The following CADM2 variants were observed in gnomAD, a reference collection of about 807,000 sequenced individuals.
CADM2 encodes the protein immunoglobulin superfamily member 4D.
CADM2 carries 12 observed loss-of-function variants against 49.8 expected under a neutral mutation model. That is an observed-to-expected ratio of 0.24 (90% CI 0.15 to 0.39). The LOEUF is 0.39. Among genes scored for constraint, CADM2 ranks in the 10% least tolerant of loss-of-function variants. The pLI, the probability that CADM2 is intolerant of heterozygous loss-of-function variation, is 1.00. For synonymous variants in CADM2, 214 were observed against 175.4 expected (o/e 1.22, Z -1.74); for missense variants, 378 against 492.3 (o/e 0.77, Z 2.20).
intron 3 of CADM2, among the ~76,000 whole-genome samples, chr3:85,882,896 A>G (rs1202553919): frequency 6.6e-6 from 1 of 152,124 alleles, no homozygotes; most frequent in East Asian, 1.9e-4. Context: ...GAAGTCCTGC[A>G]GCAGTCACAG....
chr3:85,787,678 C>A (rs761133284), intron 2 of CADM2, among the ~76,000 whole-genome samples: 18 of 152,078 alleles, frequency 1.2e-4, no homozygotes, highest in Non-Finnish European at 2.1e-4. Flanking sequence ...CAGTTCAAAC[C>A]CATCTTGTTC....
At chr3:85,718,092 T>C (rs1054937763) in intron 1 of CADM2, among the ~76,000 whole-genome samples, 1 of 152,144 alleles carries the variant, frequency 6.6e-6, no homozygotes, top group South Asian at 2.1e-4. Flanking sequence ...TTTAAGGATG[T>C]GTCAATAAAT....
At chr3:86,039,657 G>A (rs1277395463) in intron 8 of CADM2, among the ~76,000 whole-genome samples, 1 of 152,196 alleles carries the variant, frequency 6.6e-6, no homozygotes, top group East Asian at 1.9e-4. Flanking sequence ...ACCTCTGGGG[G>A]GAGGGCATAG....
chr3:85,079,003 A>G (rs2037058663), intron 1 of CADM2, among the ~76,000 whole-genome samples: 1 of 151,826 alleles, frequency 6.6e-6, no homozygotes, highest in Non-Finnish European at 1.5e-5. Context: ...ACTGCAATAC[A>G]TTTTTATTTA....
At chr3:85,321,943 T>G (rs985075064) in intron 1 of CADM2, among the ~76,000 whole-genome samples, 2 of 152,248 alleles carry the variant, frequency 1.3e-5, no homozygotes, top group Non-Finnish European at 2.9e-5. Flanking sequence ...TAGTATTTAT[T>G]AGTTTGCAGA....
chr3:85,873,330 C>G (rs956692358), intron 3 of CADM2, among the ~76,000 whole-genome samples: 7 of 152,082 alleles, frequency 4.6e-5, no homozygotes, highest in African/African-American at 1.7e-4. Context: ...AAAAATAAAT[C>G]ATTTAAAGAA....
At position 86,047,296 on chromosome 3, in the gene CADM2, C is replaced by T. The variant is rs762276244; in HGVS notation, c.971-18309C>T. 2.6e-5 allele frequency among the ~76,000 whole-genome samples: 4 copies of T among 152,100 alleles called. No individual in the cohort carries two copies. In the East Asian group the frequency reaches 5.8e-4, roughly 22 times the overall value. On this transcript the variant is annotated intron_variant, in intron 8 of 9. Transcript: ENST00000383699. ...ATGGAAGTAATTTATGGGAAGGCATCGGGGAGAGTTACAATAGACATATTG... is the reference window on the plus strand; with the variant it reads ...ATGGAAGTAATTTATGGGAAGGCATTGGGGAGAGTTACAATAGACATATTG...
At chr3:85,324,104 G>T (rs898950772) in intron 1 of CADM2, among the ~76,000 whole-genome samples, 1 of 152,102 alleles carries the variant, frequency 6.6e-6, no homozygotes, top group Non-Finnish European at 1.5e-5. Context: ...TTTATATGCT[G>T]CATCCATTAT....
intron 1 of CADM2, among the ~76,000 whole-genome samples, chr3:85,209,510 C>A (rs571980682): frequency 6.6e-6 from 1 of 152,220 alleles, no homozygotes; most frequent in South Asian, 2.1e-4. Context: ...TCAAATTTCT[C>A]TGGAAAGAAG....
At chr3:85,322,789 CA>C (rs1191114089) in intron 1 of CADM2, among the ~76,000 whole-genome samples, 2 of 152,160 alleles carry the variant, frequency 1.3e-5, no homozygotes, top group East Asian at 3.9e-4. Context: ...GGTGGGTATC[CA>C]GGGGGAGTCC....
chr3:85,096,148 T>C (rs995357606), intron 1 of CADM2, among the ~76,000 whole-genome samples: 24 of 152,144 alleles, frequency 1.6e-4, no homozygotes, highest in African/African-American at 5.8e-4. Flanking sequence ...TAAATAAGTA[T>C]TTGATTTATA....
chr3:85,477,238 C>T lies in CADM2; in HGVS notation c.62-249284C>T, dbSNP rs554899675. On this transcript the variant is annotated intron_variant, in intron 1 of 9. Transcript: ENST00000383699. The stretch of plus-strand genomic sequence containing the variant: ...TCACTTGTTAGTGGTTAACTGATTC[C>T]CTTAAACACACACACACACACACAC... Among the ~76,000 whole-genome samples the T allele has an allele frequency of 1.2e-3, 91 of 75,142 alleles. 1 individual carries two copies. The South Asian group carries it at 0.028, about 23-fold the overall frequency. 49.3% of individuals were successfully genotyped at this position (75,142 alleles called of 152,430 possible).
chr3:85,489,796 T>C (rs912149257), intron 1 of CADM2, among the ~76,000 whole-genome samples: 1 of 133,732 alleles, frequency 7.5e-6, no homozygotes, highest in Non-Finnish European at 1.7e-5. Context: ...AACGTGTGTG[T>C]GTGTGTGTGT....
intron 1 of CADM2, among the ~76,000 whole-genome samples, chr3:85,227,150 C>T (rs1345618078): frequency 1.3e-5 from 2 of 152,066 alleles, no homozygotes; most frequent in Non-Finnish European, 2.9e-5. Context: ...CCACTTGGTC[C>T]AAAGCTGAGT....
intron 1 of CADM2, among the ~76,000 whole-genome samples, chr3:85,075,491 A>G (rs1223164784): frequency 1.3e-5 from 2 of 152,170 alleles, no homozygotes; most frequent in Non-Finnish European, 2.9e-5. Context: ...GATTCCAGAG[A>G]TAGAAAAGAT....
chr3:85,837,734 C>A (rs907205469), intron 3 of CADM2, among the ~76,000 whole-genome samples: 4 of 151,720 alleles, frequency 2.6e-5, no homozygotes, highest in African/African-American at 7.3e-5. Context: ...TGTTACTATT[C>A]TGCAGGTATA....
At chr3:85,893,118 GATA>G (rs1412064447) in intron 5 of CADM2, among the ~76,000 whole-genome samples, 2 of 152,148 alleles carry the variant, frequency 1.3e-5, no homozygotes, top group Non-Finnish European at 2.9e-5. Flanking sequence ...ACTTCAGAGA[GATA>G]ATTTAGAGTA....
chr3:85,705,712 C>A (rs760279426), intron 1 of CADM2, among the ~76,000 whole-genome samples: 12 of 152,170 alleles, frequency 7.9e-5, no homozygotes, highest in Non-Finnish European at 1.6e-4. Context: ...AACCTTCTGC[C>A]ATTTTTGAGT....
chr3:85,950,542 A>T (rs1273642536), intron 7 of CADM2, among the ~76,000 whole-genome samples: 1 of 151,106 alleles, frequency 6.6e-6, no homozygotes, highest in African/African-American at 2.4e-5. Context: ...ATCAGTAAAA[A>T]GTAGTTCAGG....
Sources: gnomAD v4.1 joint callset for allele counts (sites outside exome capture counted in the v4.1 genomes callset) on GRCh38, gnomAD v4.1.1 for gene constraint, MANE v1.5 for transcripts, NCBI Gene and HGNC (gene_info 2026-07-23, HGNC 2026-07-21) for gene names.